The following ROBO2 variants were observed in gnomAD, a reference collection of about 807,000 sequenced individuals.
ROBO2 encodes the protein roundabout guidance receptor 2, also known as roundabout homolog 2.
ROBO2 carries 53 observed loss-of-function variants against 160.8 expected under a neutral mutation model. The observed-to-expected ratio is 0.33, with a 90% CI of 0.26 to 0.41. The LOEUF is 0.41. ROBO2 is among the 10% of genes least tolerant of loss of function. The probability of loss-of-function intolerance (pLI) is 1.00; values close to 1 mark genes in which losing one functional copy is unlikely to be tolerated. For synonymous variants in ROBO2, 664 were observed against 611.7 expected (o/e 1.09, Z -1.26); for missense variants, 1,577 against 1,722.4 (o/e 0.92, Z 1.49).
Position 76,077,517 on chromosome 3 carries a change from C to T in ROBO2, c.109+139915C>T, listed in dbSNP as rs148971274. Among the ~76,000 whole-genome samples the T allele has an allele frequency of 1.0e-2, 1,521 of 152,168 alleles. 26 individuals are homozygous for T. Among genetic ancestry groups the T allele is most frequent in the African/African-American group, 0.033 (1,384 of 41,514 alleles). Reference sequence around the variant, plus strand: ...GATGGAGGTTGCAGTGAACCAAGATCGTGCCACTGCACTCCAACCTGGGTG... The same window carrying T: ...GATGGAGGTTGCAGTGAACCAAGATTGTGCCACTGCACTCCAACCTGGGTG... On this transcript the variant is annotated intron_variant, in intron 2 of 26. Transcript: ENST00000487694.
chr3:76,443,650 T>G (rs538836814), intron 2 of ROBO2, among the ~76,000 whole-genome samples: 12 of 152,272 alleles, frequency 7.9e-5, no homozygotes, highest in African/African-American at 2.9e-4. Flanking sequence ...AGGCACAATT[T>G]AAGTGTCAGC....
chr3:76,971,164 T>A lies in ROBO2; in HGVS notation c.110-126850T>A, dbSNP rs572246879. On this transcript the variant is annotated intron_variant, in intron 2 of 26. Transcript: ENST00000487694. ...CTAGAAAAATTGCATTTGAGAAATA[T>A]GTTATAAAGAACAACAAAAGCCCAT... Among the ~76,000 whole-genome samples, 72 of 152,254 alleles carry A rather than the reference T, an allele frequency of 4.7e-4. No individual in the cohort carries two copies. In the South Asian group the frequency reaches 5.2e-3, roughly 11 times the overall value.
At chr3:76,742,679 G>T (rs1218002315) in intron 2 of ROBO2, among the ~76,000 whole-genome samples, 1 of 151,744 alleles carries the variant, frequency 6.6e-6, no homozygotes, top group African/African-American at 2.4e-5. Context: ...GTGTTATCTT[G>T]GTTTTAGTAT....
chr3:76,202,727 G>A (rs939293710), intron 2 of ROBO2, among the ~76,000 whole-genome samples: 3 of 152,112 alleles, frequency 2.0e-5, no homozygotes, highest in Non-Finnish European at 4.4e-5. Context: ...TGCAGGAAAA[G>A]AAGTAATGTG....
chr3:76,630,996 A>G (rs1053417485), intron 2 of ROBO2, among the ~76,000 whole-genome samples: 1 of 152,192 alleles, frequency 6.6e-6, no homozygotes, highest in Admixed American at 6.5e-5. Flanking sequence ...TCCAGAGTGC[A>G]TGTGTGCTGG....
At chr3:77,377,046 A>T (rs887055074) in intron 2 of ROBO2, among the ~76,000 whole-genome samples, 3 of 152,204 alleles carry the variant, frequency 2.0e-5, no homozygotes, top group Non-Finnish European at 4.4e-5. Context: ...TGGATTTAAC[A>T]GTTCTTGTTT....
intron 2 of ROBO2, among the ~76,000 whole-genome samples, chr3:77,195,930 G>T (rs2082268245): frequency 1.3e-5 from 2 of 152,178 alleles, no homozygotes; most frequent in East Asian, 1.9e-4. Context: ...GGCCCATTGG[G>T]TGATAAATGT....
intron 2 of ROBO2, among the ~76,000 whole-genome samples, chr3:77,399,852 C>A (rs2075633707): frequency 6.6e-6 from 1 of 152,116 alleles, no homozygotes; most frequent in Admixed American, 6.6e-5. Context: ...GCCCCAGAAA[C>A]CCTAAGTAAC....
At chr3:76,905,216 A>G (rs961033261) in intron 2 of ROBO2, among the ~76,000 whole-genome samples, 1 of 152,264 alleles carries the variant, frequency 6.6e-6, no homozygotes, top group African/African-American at 2.4e-5. Flanking sequence ...GAAGAGTCAC[A>G]GTTTTCCTCT....
chr3:76,176,331 T>C (rs4856011), intron 2 of ROBO2, among the ~76,000 whole-genome samples: 103,054 of 151,906 alleles, frequency 0.68, 35,758 homozygotes, highest in African/African-American at 0.82. Flanking sequence ...TGTATTATTA[T>C]GCAGAAAACA....
At chr3:76,398,934 G>A (rs762312238) in intron 2 of ROBO2, among the ~76,000 whole-genome samples, 10 of 151,594 alleles carry the variant, frequency 6.6e-5, no homozygotes, top group Admixed American at 1.3e-4. Context: ...TTACCATGTA[G>A]GACAATAATC....
chr3:75,989,197 A>G (rs560031965), intron 2 of ROBO2, among the ~76,000 whole-genome samples: 1 of 152,152 alleles, frequency 6.6e-6, no homozygotes, highest in Admixed American at 6.5e-5. Flanking sequence ...GGCTCACTGC[A>G]ACCTCCACCT....
At position 77,587,189 on chromosome 3, in the gene ROBO2, A is replaced by G. The variant is rs1446972777; in HGVS notation, c.2501-1562A>G. 3.9e-5 allele frequency among the ~76,000 whole-genome samples: 6 copies of G among 152,222 alleles called. No individual in the cohort carries two copies. In the East Asian group the frequency reaches 1.2e-3, roughly 29 times the overall value. ...CTCTGCCATTTCTTGGAAGCTTAACATCCTCCAACAGATCCCCTGTTTCTG... is the reference window on the plus strand; with the variant it reads ...CTCTGCCATTTCTTGGAAGCTTAACGTCCTCCAACAGATCCCCTGTTTCTG... On this transcript the variant is annotated intron_variant, in intron 16 of 25. Transcript: ENST00000461745.
intron 2 of ROBO2, among the ~76,000 whole-genome samples, chr3:76,384,702 AG>A (rs1292063755): frequency 1.3e-5 from 2 of 152,160 alleles, no homozygotes; most frequent in South Asian, 2.1e-4. Flanking sequence ...GGTGGCAGGA[AG>A]GGTAAGTACT....
At chr3:77,480,382 A>G (rs1177269886) in intron 3 of ROBO2, among the ~76,000 whole-genome samples, 8 of 151,986 alleles carry the variant, frequency 5.3e-5, no homozygotes, top group Admixed American at 3.3e-4. Context: ...CTCCTTAGCA[A>G]ATACATATTT....
chr3:76,411,655 C>G (rs941521976), intron 2 of ROBO2, among the ~76,000 whole-genome samples: 4 of 152,160 alleles, frequency 2.6e-5, no homozygotes, highest in African/African-American at 7.2e-5. Context: ...ATTTAAGTAT[C>G]TCATACATTA....
intron 2 of ROBO2, among the ~76,000 whole-genome samples, chr3:76,690,165 T>C (rs1294931450): frequency 6.6e-6 from 1 of 151,980 alleles, no homozygotes; most frequent in African/African-American, 2.4e-5. Context: ...CTTATAGAAA[T>C]AACAGGAAAA....
intron 2 of ROBO2, among the ~76,000 whole-genome samples, chr3:77,008,158 A>T (rs2061680759): frequency 6.6e-6 from 1 of 152,070 alleles, no homozygotes; most frequent in African/African-American, 2.4e-5. Context: ...TTACTCTACG[A>T]ATTGTTCCCC....
At chr3:77,565,856 A>C (rs1007517803) in intron 12 of ROBO2, among the ~76,000 whole-genome samples, 1 of 152,194 alleles carries the variant, frequency 6.6e-6, no homozygotes, top group South Asian at 2.1e-4. Flanking sequence ...TTTTATCCTT[A>C]TTACCTGTCT....
Sources: allele counts gnomAD v4.1 joint callset (sites outside exome capture counted in the v4.1 genomes callset), GRCh38; gene constraint gnomAD v4.1.1; transcripts MANE v1.5; gene names NCBI Gene and HGNC (gene_info 2026-07-23, HGNC 2026-07-21).